TRIM2: variants seen among roughly 807,000 people sequenced by gnomAD.
TRIM2 encodes the protein tripartite motif containing 2.
A neutral mutation model predicts 75.2 loss-of-function variants in TRIM2; 20 were observed. The observed-to-expected ratio is 0.27, with a 90% confidence interval of 0.19 to 0.39. The LOEUF is 0.39. Ranked by LOEUF, TRIM2 falls within the 10% of genes least tolerant of loss-of-function variation. The pLI is 1.00. For missense variants in TRIM2, 660 were observed against 990.8 expected (o/e 0.67, Z 4.48); for synonymous variants, 373 against 388.3 (o/e 0.96, Z 0.46).
At chr4:153,288,568 G>A (rs894147302) in intron 3 of TRIM2, among the ~76,000 whole-genome samples, 1 of 152,194 alleles carries the variant, frequency 6.6e-6, no homozygotes, top group African/African-American at 2.4e-5. Flanking sequence ...TGGTTTGGAT[G>A]TCTTTGAGTT....
chr4:153,310,585 C>A (rs1766058726), intron 6 of TRIM2, among the ~76,000 whole-genome samples: 1 of 152,050 alleles, frequency 6.6e-6, no homozygotes, highest in Non-Finnish European at 1.5e-5. Context: ...CTAGTGGTGT[C>A]CTTTTAATCT....
In TRIM2 at chr4:153,204,466, C is replaced by CT; in HGVS notation, c.-65_-64insT. On this transcript the variant is annotated 5_prime_UTR_variant, in exon 1 of 12. An upstream open reading frame in the 5' UTR gains an earlier in-frame stop. Coordinates refer to ENST00000338700, the MANE Select transcript of TRIM2 (RefSeq NM_015271.5). ...TCGGCAGCTTGATGACTATAATGGG[C>CT]CCAGTTGTCTGCGGGCTGCGGGGAG... is the stretch of plus-strand genomic sequence containing the variant. The CT allele has an allele frequency of 6.5e-7, 1 of 1,540,994 alleles. No individual in the cohort carries two copies. The highest frequency in any genetic ancestry group is 8.8e-7 in the Non-Finnish European group (1 of 1,137,574).
intron 3 of TRIM2, among the ~76,000 whole-genome samples, chr4:153,286,697 G>A (rs973756678): frequency 6.6e-6 from 1 of 151,492 alleles, no homozygotes; most frequent in Non-Finnish European, 1.5e-5. Context: ...CCTGATTTTT[G>A]TAATTTGAGT....
rs1772528632 is a variant in TRIM2, at chr4:153,337,006, CTT to C, written c.*2043_*2044del. ...GAGTACCTACTAGGTACCAAGTACT[CTT>C]TTAGGCACTGGAAATACAGTGATGG... On this transcript the variant is annotated 3_prime_UTR_variant, in exon 12 of 12. Transcript: ENST00000338700. 1 of 981,046 alleles carries C rather than the reference CTT, an allele frequency of 1.0e-6. No individual in the cohort carries two copies. 60.8% of individuals were successfully genotyped at this position (981,046 alleles called of 1,614,324 possible). A position where few individuals can be genotyped will look rare whatever the true frequency, so the allele number is the denominator to read the frequency against.
chr4:153,245,096 A>ACACACACAGT (rs1166106787), intron 1 of TRIM2, among the ~76,000 whole-genome samples: 5 of 152,356 alleles, frequency 3.3e-5, no homozygotes, highest in Non-Finnish European at 7.3e-5. Flanking sequence ...GAAGCAAAGT[A>ACACACACAGT]CACACACAGT....
intron 1 of TRIM2, among the ~76,000 whole-genome samples, chr4:153,178,936 A>G (rs1579344660): frequency 6.6e-6 from 1 of 152,208 alleles, no homozygotes; most frequent in Admixed American, 6.5e-5. Flanking sequence ...CTCAAGCTCC[A>G]ACACTTTGGG....
At chr4:153,321,913 A>C (rs1769079675) in intron 8 of TRIM2, among the ~76,000 whole-genome samples, 1 of 152,160 alleles carries the variant, frequency 6.6e-6, no homozygotes, top group African/African-American at 2.4e-5. Flanking sequence ...ACATTTTTTA[A>C]TGTATAAGGA....
At chr4:153,237,279 T>C (rs2149824455) in intron 1 of TRIM2, among the ~76,000 whole-genome samples, 1 of 152,284 alleles carries the variant, frequency 6.6e-6, no homozygotes, top group East Asian at 1.9e-4. Context: ...AACCACATTG[T>C]TGTAGGCATT....
chr4:153,283,142 C>T (rs1459989491), intron 3 of TRIM2, among the ~76,000 whole-genome samples: 1 of 152,192 alleles, frequency 6.6e-6, no homozygotes, highest in East Asian at 1.9e-4. Flanking sequence ...GTTGAGCAAA[C>T]ATCACCACTG....
At chr4:153,260,198 T>C (rs1753043638) in intron 1 of TRIM2, among the ~76,000 whole-genome samples, 1 of 152,162 alleles carries the variant, frequency 6.6e-6, no homozygotes, top group African/African-American at 2.4e-5. Flanking sequence ...GTCCCCTTGC[T>C]GACCTCTACC....
chr4:153,164,985 G>T (rs1371246549), intron 1 of TRIM2, among the ~76,000 whole-genome samples: 3 of 151,132 alleles, frequency 2.0e-5, no homozygotes, highest in Admixed American at 2.0e-4. Flanking sequence ...TGGGTTTATT[G>T]TTAGTCTTCT....
At position 153,240,613 on chromosome 4, in the gene TRIM2, C is replaced by T. The variant is rs10008390; in HGVS notation, c.31-29722C>T. On this transcript the variant is annotated intron_variant, in intron 1 of 11. Coordinates refer to ENST00000338700, the MANE Select transcript of TRIM2 (RefSeq NM_015271.5). ...TAGGGCTCTCCAGATTTTAACAGCT[C>T]ATGAATTCAGAATACATGAAAAAGC... Among the ~76,000 whole-genome samples, 1,371 of 152,266 alleles carry T rather than the reference C, an allele frequency of 9.0e-3. 29 individuals carry two copies. Among genetic ancestry groups the T allele is most frequent in the African/African-American group, 0.031 (1,308 of 41,548 alleles).
chr4:153,209,851 C>A (rs1258572218), intron 1 of TRIM2, among the ~76,000 whole-genome samples: 3 of 151,994 alleles, frequency 2.0e-5, no homozygotes, highest in African/African-American at 7.3e-5. Flanking sequence ...TAAGTATATC[C>A]CACCAGAGAC....
intron 4 of TRIM2, among the ~76,000 whole-genome samples, chr4:153,293,502 G>A (rs573267516): frequency 1.3e-5 from 2 of 152,188 alleles, no homozygotes; most frequent in Admixed American, 6.5e-5. Context: ...AGGCCATTTT[G>A]TTGGCTGTGA....
chr4:153,193,724 G>A (rs998574247), intron 1 of TRIM2, among the ~76,000 whole-genome samples: 3 of 152,246 alleles, frequency 2.0e-5, no homozygotes, highest in South Asian at 2.1e-4. Context: ...CTACCATGCT[G>A]CCTTTATTAA....
intron 1 of TRIM2, among the ~76,000 whole-genome samples, chr4:153,237,451 T>G (rs1206756889): frequency 6.6e-6 from 1 of 151,952 alleles, no homozygotes; most frequent in Non-Finnish European, 1.5e-5. Context: ...GAGGCTGAGG[T>G]GGGCGGATCA....
chr4:153,334,814 GT>G lies in TRIM2; in HGVS notation c.2169del (p.Phe723LeufsTer26), dbSNP rs755801259. ...VADWGNSRIQ[V>X]FDGSGSFLSY... is the part of the protein sequence containing the mutation. ...ATTCTGACTTCCTATTTGTTTACAG[GT>G]TTTTGATGGGAGTGGATCATTTTTG... On this transcript the variant is annotated frameshift_variant and splice_region_variant, in exon 12 of 12. Transcript: ENST00000338700. LOFTEE classifies it high-confidence loss of function. 5 of 1,609,574 alleles carry G rather than the reference GT, an allele frequency of 3.1e-6. No individual in the cohort carries two copies.
At position 153,301,105 on chromosome 4, in the gene TRIM2, C is replaced by T. The variant is rs187241942; in HGVS notation, c.1510+5069C>T. Among the ~76,000 whole-genome samples the T allele has an allele frequency of 6.7e-3, 1,022 of 151,828 alleles. 13 individuals are homozygous for T. Among genetic ancestry groups the T allele is most frequent in the African/African-American group, 0.023 (964 of 41,376 alleles). ...ACTCGGGAGGCTGAGGCAGGAGAAT[C>T]ACTTGAACCCAGGAGGCAGAGGCTG... On this transcript the variant is annotated intron_variant, in intron 6 of 11. Coordinates refer to ENST00000338700, the MANE Select transcript of TRIM2 (RefSeq NM_015271.5).
intron 1 of TRIM2, among the ~76,000 whole-genome samples, chr4:153,205,950 A>G (rs1735303204): frequency 6.6e-6 from 1 of 152,194 alleles, no homozygotes; most frequent in African/African-American, 2.4e-5. Context: ...TCACCCCACG[A>G]GGAGGTCCTG....
Sources: allele counts gnomAD v4.1 joint callset (sites outside exome capture counted in the v4.1 genomes callset), GRCh38; gene constraint gnomAD v4.1.1; transcripts MANE v1.5; gene names NCBI Gene and HGNC (gene_info 2026-07-23, HGNC 2026-07-21).